The following IGF2BP2 variants were observed in gnomAD, a reference collection of about 807,000 sequenced individuals.
The protein encoded by IGF2BP2 is insulin-like growth factor 2 mRNA-binding protein 2.
A neutral mutation model predicts 75.8 loss-of-function variants in IGF2BP2; 17 were observed. That is an observed-to-expected ratio of 0.22 (90% CI 0.15 to 0.34). IGF2BP2 has a LOEUF of 0.34. Ranked by LOEUF, IGF2BP2 falls within the 10% of genes least tolerant of loss-of-function variation. The pLI, the probability that IGF2BP2 is intolerant of heterozygous loss-of-function variation, is 1.00. For missense variants in IGF2BP2, 516 were observed against 772.4 expected (o/e 0.67, Z 3.93); for synonymous variants, 288 against 295.6 (o/e 0.97, Z 0.26).
At chr3:185,807,073 G>C (rs1436709776) in intron 2 of IGF2BP2, among the ~76,000 whole-genome samples, 1 of 151,998 alleles carries the variant, frequency 6.6e-6, no homozygotes, top group Non-Finnish European at 1.5e-5. Context: ...TACAAAAATA[G>C]CAAAAAGGAC....
chr3:185,821,224 G>T, intron 2 of IGF2BP2: 1 of 1,087,828 alleles, frequency 9.2e-7, no homozygotes, highest in Non-Finnish European at 1.3e-6. Flanking sequence ...AACTCCTCTA[G>T]AGCAGCAGCT....
chr3:185,762,543 A>G (rs1044598327), intron 2 of IGF2BP2, among the ~76,000 whole-genome samples: 4 of 151,778 alleles, frequency 2.6e-5, no homozygotes, highest in South Asian at 4.1e-4. Flanking sequence ...AAAAAAAAAA[A>G]AAAAGAAAAG....
At chr3:185,668,183 G>T (rs1184888157) in intron 10 of IGF2BP2, among the ~76,000 whole-genome samples, 1 of 152,074 alleles carries the variant, frequency 6.6e-6, no homozygotes, top group Non-Finnish European at 1.5e-5. Context: ...AAACTAGTGT[G>T]CTGGTTACAA....
At chr3:185,823,034 C>A in intron 2 of IGF2BP2, 119 bp downstream of exon 2, 4 of 587,020 alleles carry the variant, frequency 6.8e-6, no homozygotes, top group East Asian at 3.2e-5. Context: ...TCTCCACTAA[C>A]AAAACAAACA....
At chr3:185,726,957 G>T (rs142948325) in intron 2 of IGF2BP2, among the ~76,000 whole-genome samples, 1 of 152,162 alleles carries the variant, frequency 6.6e-6, no homozygotes, top group Non-Finnish European at 1.5e-5. Context: ...GGTGGCTCAC[G>T]CCTGTAATCC....
chr3:185,723,961 G>A (rs1470609098), intron 2 of IGF2BP2, among the ~76,000 whole-genome samples: 1 of 152,192 alleles, frequency 6.6e-6, no homozygotes, highest in South Asian at 2.1e-4. Context: ...TTCGGTCTGG[G>A]CAATCCCAGG....
At chr3:185,741,534 ACTG>A (rs1450692250) in intron 2 of IGF2BP2, among the ~76,000 whole-genome samples, 2 of 152,222 alleles carry the variant, frequency 1.3e-5, no homozygotes, top group East Asian at 1.9e-4. Context: ...CCCATGAATA[ACTG>A]CTATTTGTCA....
Position 185,657,406 on chromosome 3 carries a change from G to C in IGF2BP2, c.1270-4C>G. 6.2e-7 allele frequency: 1 copy of C among 1,605,648 alleles called. No individual in the cohort carries two copies. The highest frequency in any genetic ancestry group is 8.5e-7 in the Non-Finnish European group (1 of 1,173,204). The stretch of plus-strand genomic sequence containing the variant: ...TCACAATCTCCTGCTCTGGATACTG[G>C]GAGGGCGAGACAAGAAAGAAGACAT... On this transcript the variant is annotated splice_polypyrimidine_tract_variant and splice_region_variant and intron_variant, in intron 11 of 15. Transcript: ENST00000382199.
In IGF2BP2 at chr3:185,688,297, T is replaced by G. The variant is rs137961402; in HGVS notation, c.677+1058A>C. Among the ~76,000 whole-genome samples, 128 of 152,328 alleles carry G rather than the reference T, an allele frequency of 8.4e-4. No individual in the cohort carries two copies. The East Asian group carries it at 0.014, about 17-fold the overall frequency. ...AATTATTTCACTCAATCTCCCTGAT[T>G]GTGCTAATTGTCATAATAATCCTGG... On this transcript the variant is annotated intron_variant, in intron 6 of 15. Coordinates refer to ENST00000382199, the MANE Select transcript of IGF2BP2 (RefSeq NM_006548.6).
chr3:185,800,778 A>C (rs987747000), intron 2 of IGF2BP2, among the ~76,000 whole-genome samples: 8 of 146,576 alleles, frequency 5.5e-5, no homozygotes, highest in Admixed American at 2.7e-4. Context: ...TGATAAAAGA[A>C]ATCTGGAAGG....
intron 2 of IGF2BP2, among the ~76,000 whole-genome samples, chr3:185,733,101 A>G (rs1728409802): frequency 6.6e-6 from 1 of 152,230 alleles, no homozygotes; most frequent in African/African-American, 2.4e-5. Flanking sequence ...TAGTCATAAG[A>G]CATTTCACAG....
At chr3:185,781,414 G>A (rs1480373247) in intron 2 of IGF2BP2, among the ~76,000 whole-genome samples, 1 of 152,088 alleles carries the variant, frequency 6.6e-6, no homozygotes, top group Non-Finnish European at 1.5e-5. Flanking sequence ...ATTTCTAAAG[G>A]TAAGTGACAC....
chr3:185,809,701 C>CA (rs1739541896), intron 2 of IGF2BP2, among the ~76,000 whole-genome samples: 1 of 152,114 alleles, frequency 6.6e-6, no homozygotes, highest in Non-Finnish European at 1.5e-5. Context: ...AACCCATTCA[C>CA]AAAAAAGCAA....
chr3:185,809,203 A>C (rs1422583948), intron 2 of IGF2BP2, among the ~76,000 whole-genome samples: 1 of 151,954 alleles, frequency 6.6e-6, no homozygotes, highest in Non-Finnish European at 1.5e-5. Flanking sequence ...AAATACCTAT[A>C]AGGAAAATTA....
At chr3:185,658,317 C>T (rs781134021) in intron 11 of IGF2BP2, 24 bp downstream of exon 11, 21 of 1,606,148 alleles carry the variant, frequency 1.3e-5, no homozygotes, top group South Asian at 2.2e-5. Flanking sequence ...GTGGCAGGTG[C>T]GGCTGAACTG....
At chr3:185,805,047 C>T (rs1166343830) in intron 2 of IGF2BP2, among the ~76,000 whole-genome samples, 1 of 151,964 alleles carries the variant, frequency 6.6e-6, no homozygotes, top group Non-Finnish European at 1.5e-5. Flanking sequence ...TGAACAACAT[C>T]CACCAATGTG....
intron 2 of IGF2BP2, among the ~76,000 whole-genome samples, chr3:185,820,205 T>G (rs1741156750): frequency 1.7e-5 from 2 of 116,404 alleles, no homozygotes; most frequent in Admixed American, 1.6e-4. Flanking sequence ...GCATGCAGTA[T>G]GTGTGTGTGT....
intron 12 of IGF2BP2, 85 bp from the exon 13 acceptor site, chr3:185,652,253 C>G (rs969577225): frequency 1.7e-6 from 2 of 1,155,146 alleles, no homozygotes; most frequent in Admixed American, 4.3e-5. Context: ...GCAAGCATAC[C>G]AGCAGGAGGT....
In IGF2BP2 at chr3:185,724,247, G is replaced by A. The variant is rs187425086; in HGVS notation, c.240-25900C>T. Among the ~76,000 whole-genome samples, 443 of 152,292 alleles carry A rather than the reference G, an allele frequency of 2.9e-3. 3 individuals are homozygous for A. Among genetic ancestry groups the A allele is most frequent in the African/African-American group, 1.0e-2 (415 of 41,564 alleles). On this transcript the variant is annotated intron_variant, in intron 2 of 15. Transcript: ENST00000382199. The stretch of plus-strand genomic sequence containing the variant: ...CTGGGCTCTTCTTGTCCACTGGAGC[G>A]ACATGTGGTCTGAAGACTAAGGTAG...
Sources: gnomAD v4.1 joint callset for allele counts (sites outside exome capture counted in the v4.1 genomes callset) on GRCh38, gnomAD v4.1.1 for gene constraint, MANE v1.5 for transcripts, NCBI Gene and HGNC (gene_info 2026-07-23, HGNC 2026-07-21) for gene names.